Variants in SLC25A13 observed in about 807,000 individuals in gnomAD.
SLC25A13 encodes the protein electrogenic aspartate/glutamate antiporter SLC25A13, mitochondrial.
SLC25A13 carries 70 observed loss-of-function variants against 85.5 expected under a neutral mutation model. The observed-to-expected ratio is 0.82, with a 90% CI of 0.68 to 1.00. The LOEUF (loss-of-function observed/expected upper bound fraction) is 1.00, where lower values mean the gene tolerates loss of function less well. SLC25A13 is among the 50% of genes least tolerant of loss of function. The probability of loss-of-function intolerance (pLI) is 0.00; values close to 1 mark genes in which losing one functional copy is unlikely to be tolerated. For synonymous variants in SLC25A13, 259 were observed against 288.7 expected (o/e 0.90, Z 1.04); for missense variants, 765 against 819.8 (o/e 0.93, Z 0.82).
At chr7:96,306,745 T>A (rs1297436932) in intron 1 of SLC25A13, 9 of 1,114,876 alleles carry the variant, frequency 8.1e-6, no homozygotes, top group Non-Finnish European at 1.2e-5. Context: ...GTGCCCTTCA[T>A]CCCTCTGCAT....
intron 3 of SLC25A13, among the ~76,000 whole-genome samples, chr7:96,247,774 C>T (rs1797257238): frequency 6.6e-6 from 1 of 151,968 alleles, no homozygotes; most frequent in Non-Finnish European, 1.5e-5. Context: ...TTTTTATATA[C>T]ATATACATTG....
intron 13 of SLC25A13, among the ~76,000 whole-genome samples, chr7:96,161,050 T>G (rs1793490979): frequency 6.6e-6 from 1 of 151,862 alleles, no homozygotes; most frequent in South Asian, 2.1e-4. Context: ...CCTTCATGAC[T>G]CTGACATAAT....
intron 15 of SLC25A13, among the ~76,000 whole-genome samples, chr7:96,124,430 C>T (rs959013168): frequency 6.6e-6 from 1 of 152,104 alleles, no homozygotes. Flanking sequence ...TTTCTTCATA[C>T]TTTGAAGCTG....
chr7:96,138,235 G>A (rs558982953), intron 14 of SLC25A13, among the ~76,000 whole-genome samples: 5 of 152,150 alleles, frequency 3.3e-5, no homozygotes, highest in East Asian at 1.9e-4. Context: ...TAGGTTAGCC[G>A]TCAGTTCAAC....
At chr7:96,139,033 T>C (rs1451970585) in intron 14 of SLC25A13, among the ~76,000 whole-genome samples, 6 of 152,208 alleles carry the variant, frequency 3.9e-5, no homozygotes, top group Non-Finnish European at 8.8e-5. Flanking sequence ...AATCCCTTAG[T>C]TGACACTCAA....
intron 3 of SLC25A13, among the ~76,000 whole-genome samples, chr7:96,247,125 G>A (rs1157553678): frequency 6.6e-6 from 1 of 152,140 alleles, no homozygotes; most frequent in African/African-American, 2.4e-5. Context: ...GTACTATAGA[G>A]CCATATGCCC....
intron 3 of SLC25A13, among the ~76,000 whole-genome samples, chr7:96,263,080 T>C (rs1410227601): frequency 6.6e-6 from 1 of 151,760 alleles, no homozygotes; most frequent in Non-Finnish European, 1.5e-5. Flanking sequence ...ATTTTTATTT[T>C]AAAAGTTCTT....
chr7:96,141,170 G>A (rs1278534139), intron 14 of SLC25A13, among the ~76,000 whole-genome samples: 1 of 151,916 alleles, frequency 6.6e-6, no homozygotes, highest in Non-Finnish European at 1.5e-5. Context: ...CTACAGATGT[G>A]TACCACCATG....
At chr7:96,146,508 G>A in intron 14 of SLC25A13, 48 bp downstream of exon 14, 3 of 1,593,420 alleles carry the variant, frequency 1.9e-6, no homozygotes, top group Non-Finnish European at 2.6e-6. Context: ...TCTGCATTAG[G>A]AGATGAGAAA....
intron 3 of SLC25A13, among the ~76,000 whole-genome samples, chr7:96,251,170 G>A (rs1188086232): frequency 6.6e-6 from 1 of 152,138 alleles, no homozygotes; most frequent in Non-Finnish European, 1.5e-5. Flanking sequence ...GGAAGTACAA[G>A]GCCTCTAGGT....
intron 2 of SLC25A13, among the ~76,000 whole-genome samples, chr7:96,285,407 A>G (rs902362673): frequency 2.0e-5 from 3 of 152,178 alleles, no homozygotes; most frequent in Non-Finnish European, 1.5e-5. Flanking sequence ...GATACTCAGC[A>G]TACTTTGAGC....
At chr7:96,132,372 A>G (rs1792071295) in intron 14 of SLC25A13, among the ~76,000 whole-genome samples, 1 of 152,212 alleles carries the variant, frequency 6.6e-6, no homozygotes, top group Non-Finnish European at 1.5e-5. Context: ...TTACACATAC[A>G]TAAAAAATTA....
intron 4 of SLC25A13, among the ~76,000 whole-genome samples, chr7:96,233,808 T>C (rs1464953933): frequency 6.6e-6 from 1 of 152,144 alleles, no homozygotes; most frequent in Non-Finnish European, 1.5e-5. Context: ...ATACATCAAA[T>C]AAGACAAGTC....
chr7:96,306,972 A>G lies in SLC25A13; in HGVS notation c.16-10021T>C, dbSNP rs1799767287. ...TCCTCCTGTAGTGACCACAGGTCCC[A>G]GCACCGATGGCTTCCCTTTGCCATG... is the stretch of plus-strand genomic sequence containing the variant. On this transcript the variant is annotated intron_variant, in intron 1 of 17. Coordinates refer to ENST00000265631, the MANE Select transcript of SLC25A13 (RefSeq NM_014251.3). 1.7e-5 allele frequency: 14 copies of G among 840,956 alleles called. No individual in the cohort carries two copies. In the Admixed American group the frequency reaches 2.3e-4, roughly 14 times the overall value. 52.1% of individuals were successfully genotyped at this position (840,956 alleles called of 1,614,324 possible).
chr7:96,285,720 T>C (rs888693556), intron 2 of SLC25A13, among the ~76,000 whole-genome samples: 1 of 152,182 alleles, frequency 6.6e-6, no homozygotes, highest in Non-Finnish European at 1.5e-5. Context: ...TCTGGTCTCT[T>C]ATATAAAATC....
At chr7:96,317,994 T>C (rs920275678) in intron 1 of SLC25A13, among the ~76,000 whole-genome samples, 3 of 151,974 alleles carry the variant, frequency 2.0e-5, no homozygotes, top group Admixed American at 1.3e-4. Flanking sequence ...TTCTCAATTT[T>C]GTCCCATTTG....
At chr7:96,263,344 A>C (rs1327761038) in intron 3 of SLC25A13, among the ~76,000 whole-genome samples, 2 of 152,196 alleles carry the variant, frequency 1.3e-5, no homozygotes. Flanking sequence ...TCTAGAATTC[A>C]GTGTATAGTG....
intron 1 of SLC25A13, among the ~76,000 whole-genome samples, chr7:96,299,103 C>T (rs1467191415): frequency 1.3e-5 from 2 of 152,182 alleles, no homozygotes; most frequent in East Asian, 1.9e-4. Flanking sequence ...AAGTATTCTT[C>T]GTAATTCTAA....
intron 4 of SLC25A13, among the ~76,000 whole-genome samples, chr7:96,232,422 T>G (rs1796576166): frequency 6.6e-6 from 1 of 151,990 alleles, no homozygotes; most frequent in Admixed American, 6.6e-5. Context: ...TAATAGACAT[T>G]ACGGCCTACC....
Sources: allele counts gnomAD v4.1 joint callset (sites outside exome capture counted in the v4.1 genomes callset), GRCh38; gene constraint gnomAD v4.1.1; transcripts MANE v1.5; gene names NCBI Gene and HGNC (gene_info 2026-07-23, HGNC 2026-07-21).